DMD: variants seen among roughly 807,000 people sequenced by gnomAD.
The protein encoded by DMD is dystrophin.
A neutral mutation model predicts 330.1 loss-of-function variants in DMD; 63 were observed. The observed-to-expected ratio is 0.19, with a 90% CI of 0.16 to 0.24. The LOEUF is 0.24. Among genes scored for constraint, DMD ranks in the 10% least tolerant of loss-of-function variants. The probability of loss-of-function intolerance (pLI) is 1.00; values close to 1 mark genes in which losing one functional copy is unlikely to be tolerated. For synonymous variants in DMD, 1,223 were observed against 959.8 expected, an observed-to-expected ratio of 1.27 and a Z score of -5.07; for missense variants, 3,344 against 2,684.1, an observed-to-expected ratio of 1.25 and a Z score of -5.43.
intron 73 of DMD, among the ~76,000 whole-genome samples, chrX:31,169,969 A>G (rs1257851332): frequency 8.9e-6 from 1 of 112,392 alleles, no homozygotes; most frequent in African/African-American, 3.2e-5. Flanking sequence ...TGTCAAGATA[A>G]TCTGTTCACT....
chrX:32,585,424 G>A (rs187415785), intron 13 of DMD, among the ~76,000 whole-genome samples: 7 of 110,659 alleles, frequency 6.3e-5, no homozygotes, highest in African/African-American at 9.8e-5. Context: ...CCGGGTGGCC[G>A]GGCGTGGTGG....
At chrX:33,224,870 G>T (rs2052257281) in intron 1 of DMD, among the ~76,000 whole-genome samples, 1 of 110,978 alleles carries the variant, frequency 9.0e-6, no homozygotes. Flanking sequence ...TGAACCTAAA[G>T]GTTCTCCAAA....
intron 7 of DMD, among the ~76,000 whole-genome samples, chrX:32,741,190 G>A (rs754405483): frequency 7.2e-5 from 8 of 111,183 alleles, no homozygotes; most frequent in Non-Finnish European, 1.5e-4. Flanking sequence ...CTAATCACAC[G>A]GATATTGCCA....
chrX:31,990,510 T>A (rs1266281636), intron 44 of DMD, among the ~76,000 whole-genome samples: 1 of 112,456 alleles, frequency 8.9e-6, no homozygotes, highest in East Asian at 2.8e-4. Flanking sequence ...AGTATGATTA[T>A]ACCTGTTATT....
At chrX:32,451,453 TTAGTA>T (rs2098329762) in intron 26 of DMD, among the ~76,000 whole-genome samples, 1 of 110,957 alleles carries the variant, frequency 9.0e-6, no homozygotes, top group Non-Finnish European at 1.9e-5. Context: ...TCAAAGGGTT[TTAGTA>T]TAAAGTTTTA....
intron 50 of DMD, among the ~76,000 whole-genome samples, chrX:31,815,818 G>A (rs963684712): frequency 6.3e-5 from 7 of 111,532 alleles, no homozygotes; most frequent in Non-Finnish European, 1.3e-4. Flanking sequence ...TAACCTACAC[G>A]TTTCAAAGCC....
chrX:32,279,983 C>CACATATATATATATGTACCCT (rs2097409069), intron 43 of DMD, among the ~76,000 whole-genome samples: 3 of 89,086 alleles, frequency 3.4e-5, no homozygotes, highest in Non-Finnish European at 6.7e-5. Flanking sequence ...ATATGTACCC[C>CACATATATATATATGTACCCT]ACATATATAT....
At chrX:32,340,736 C>T (rs890597166) in intron 41 of DMD, among the ~76,000 whole-genome samples, 4 of 111,756 alleles carry the variant, frequency 3.6e-5, no homozygotes, top group Admixed American at 9.5e-5. Context: ...CTTAATCTTT[C>T]GCTTCATTTT....
chrX:32,894,497 C>T (rs1438524297), intron 2 of DMD, among the ~76,000 whole-genome samples: 2 of 112,551 alleles, frequency 1.8e-5, no homozygotes, highest in African/African-American at 6.5e-5. Context: ...GGGCAGCATG[C>T]AGTTTATATA....
Position 31,652,176 on chromosome X carries a change from G to A in DMD, c.8027+5814C>T, listed in dbSNP as rs147451894. 1.9e-4 allele frequency among the ~76,000 whole-genome samples: 21 copies of A among 111,327 alleles called. No homozygotes were observed. In the East Asian group the frequency reaches 5.7e-3, roughly 30 times the overall value. ...TTTTTCCCCCCCAATTATACATATG[G>A]CCCACATCCTCAGGTCTTTTAGAAT... is the stretch of plus-strand genomic sequence containing the variant. On this transcript the variant is annotated intron_variant, in intron 54 of 78. Coordinates refer to ENST00000357033, the MANE Select transcript of DMD (RefSeq NM_004006.3).
In DMD at chrX:32,537,915, A is replaced by G. The variant is rs772843295; in HGVS notation, c.2168+7244T>C. Reference sequence around the variant, plus strand: ...CATAGCTACTGTAGCCAGACATCCAAAGATATAGTATCTCATAGGACCAGT... The same window carrying G: ...CATAGCTACTGTAGCCAGACATCCAGAGATATAGTATCTCATAGGACCAGT... On this transcript the variant is annotated intron_variant, in intron 17 of 78. Transcript: ENST00000357033. 5.3e-5 allele frequency among the ~76,000 whole-genome samples: 6 copies of G among 112,194 alleles called. No individual in the cohort carries two copies. The South Asian group carries it at 2.2e-3, about 42-fold the overall frequency.
At chrX:33,246,608 A>G (rs1259744351) in intron 1 of DMD, among the ~76,000 whole-genome samples, 2 of 112,123 alleles carry the variant, frequency 1.8e-5, no homozygotes, top group Non-Finnish European at 3.8e-5. Flanking sequence ...AAAAATTTAT[A>G]CATAAGAATC....
chrX:32,914,384 CAT>C (rs2087591047), intron 2 of DMD, among the ~76,000 whole-genome samples: 1 of 112,112 alleles, frequency 8.9e-6, no homozygotes, highest in East Asian at 2.8e-4. Context: ...CTAAGCGACT[CAT>C]AGAAAAGGAT....
intron 76 of DMD, among the ~76,000 whole-genome samples, chrX:31,142,290 T>C (rs1336109808): frequency 9.0e-6 from 1 of 111,650 alleles, no homozygotes; most frequent in Non-Finnish European, 1.9e-5. Context: ...AAGTGTTATG[T>C]ATGAAACCTA....
chrX:31,498,743 C>T (rs2070113319), intron 56 of DMD, among the ~76,000 whole-genome samples: 2 of 111,455 alleles, frequency 1.8e-5, no homozygotes, highest in Admixed American at 9.5e-5. Flanking sequence ...AACAATATGT[C>T]CAGGAAAAAT....
intron 44 of DMD, among the ~76,000 whole-genome samples, chrX:32,088,370 G>A (rs1013598674): frequency 1.0e-4 from 11 of 110,006 alleles, no homozygotes; most frequent in East Asian, 5.8e-4. Context: ...CAGGTTCCAC[G>A]GTGGAACCTG....
chrX:31,286,458 T>A (rs1245832121), intron 62 of DMD, among the ~76,000 whole-genome samples: 1 of 112,150 alleles, frequency 8.9e-6, no homozygotes, highest in African/African-American at 3.2e-5. Context: ...CATATGACAA[T>A]CTTTATTTGG....
intron 44 of DMD, among the ~76,000 whole-genome samples, chrX:32,094,575 T>C (rs2096494236): frequency 8.9e-6 from 1 of 112,212 alleles, no homozygotes; most frequent in Non-Finnish European, 1.9e-5. Context: ...TACACATCTC[T>C]TCCTTCAACA....
intron 45 of DMD, among the ~76,000 whole-genome samples, chrX:31,963,589 G>A (rs184739712): frequency 8.1e-5 from 9 of 110,550 alleles, no homozygotes; most frequent in African/African-American, 2.6e-4. Context: ...ACGTTTCTAC[G>A]TACTATTCAC....
Sources: gnomAD v4.1 joint callset for allele counts (sites outside exome capture counted in the v4.1 genomes callset) on GRCh38, gnomAD v4.1.1 for gene constraint, MANE v1.5 for transcripts, NCBI Gene and HGNC (gene_info 2026-07-23, HGNC 2026-07-21) for gene names.